TDRD12: variants seen among roughly 807,000 people sequenced by gnomAD.
TDRD12 encodes tudor domain containing 12, also known as putative ATP-dependent RNA helicase TDRD12.
In TDRD12, 158 loss-of-function variants were observed where a neutral mutation model predicts 133.5. That is an observed-to-expected ratio of 1.18 (90% CI 1.04 to 1.35). The LOEUF is 1.35. Among genes scored for constraint, TDRD12 ranks in the 40% most tolerant of loss-of-function variants. The pLI is 0.00. For missense variants in TDRD12, 1,443 were observed against 1,321.3 expected (o/e 1.09, Z -1.43); for synonymous variants, 460 against 477.9 (o/e 0.96, Z 0.49).
At chr19:32,806,584 C>T (rs1186929032) in intron 21 of TDRD12, among the ~76,000 whole-genome samples, 1 of 151,816 alleles carries the variant, frequency 6.6e-6, no homozygotes, top group Non-Finnish European at 1.5e-5. Context: ...TCAAGTGATC[C>T]GCCCTCCTCA....
intron 6 of TDRD12, among the ~76,000 whole-genome samples, chr19:32,750,190 C>T (rs1319755120): frequency 2.0e-5 from 3 of 152,076 alleles, no homozygotes; most frequent in East Asian, 1.9e-4. Context: ...CTGCCTTTCC[C>T]CCTAGACTTT....
downstream of TDRD12, among the ~76,000 whole-genome samples, chr19:32,825,868 G>A (rs771869879): frequency 2.6e-5 from 4 of 152,110 alleles, no homozygotes; most frequent in South Asian, 2.1e-4. This position sits in a 1 kb window ranked among gnomAD's most constrained non-coding sequence, Gnocchi z 4.1. Flanking sequence ...CAACAAGAAC[G>A]AAACTCCATC....
intron 1 of TDRD12, among the ~76,000 whole-genome samples, chr19:32,721,510 C>T (rs1025825239): frequency 1.3e-5 from 2 of 151,706 alleles, no homozygotes; most frequent in South Asian, 4.2e-4. Flanking sequence ...CTCAGCCTCC[C>T]GAGTAGCTGG....
chr19:32,824,978 G>A (rs890488756), downstream of TDRD12, among the ~76,000 whole-genome samples: 9 of 152,120 alleles, frequency 5.9e-5, no homozygotes, highest in African/African-American at 1.7e-4. Context: ...GTTCTTGTTC[G>A]CGTTCAGTGG....
exon 17 of TDRD12, chr19:32,800,332 G>T: frequency 2.0e-6 from 3 of 1,524,606 alleles, no homozygotes; most frequent in Non-Finnish European, 2.6e-6. Flanking sequence ...CATGGAAGAG[G>T]CTGCTCTCTA....
At chr19:32,799,977 G>C (rs966791628) in intron 16 of TDRD12, among the ~76,000 whole-genome samples, 190 bp from the exon 17 acceptor site, 1 of 151,352 alleles carries the variant, frequency 6.6e-6, no homozygotes, top group Non-Finnish European at 1.5e-5. Context: ...CTCATGATCC[G>C]CCTGCCTCAG....
At chr19:32,774,290 A>G (rs1970520208) in intron 10 of TDRD12, among the ~76,000 whole-genome samples, 2 of 152,192 alleles carry the variant, frequency 1.3e-5, no homozygotes, top group Admixed American at 6.5e-5. Context: ...ATTATATTCT[A>G]GAGAGAGTTA....
chr19:32,737,752 C>T (rs1008954223), intron 2 of TDRD12, among the ~76,000 whole-genome samples: 3 of 152,104 alleles, frequency 2.0e-5, no homozygotes, highest in Non-Finnish European at 4.4e-5. Flanking sequence ...GGGAATTTGG[C>T]AGTAAACAAA....
chr19:32,774,989 A>C (rs1257749083), intron 10 of TDRD12, among the ~76,000 whole-genome samples: 1 of 152,118 alleles, frequency 6.6e-6, no homozygotes, highest in Non-Finnish European at 1.5e-5. Context: ...CGTTTCAAAA[A>C]AAAAAAAATC....
chr19:32,758,555 C>T (rs1192318091), intron 8 of TDRD12, among the ~76,000 whole-genome samples: 2 of 152,150 alleles, frequency 1.3e-5, no homozygotes, highest in Non-Finnish European at 2.9e-5. Flanking sequence ...GGACCCACCC[C>T]ATCTCGCTAG....
At chr19:32,721,347 G>A (rs533909355) in intron 1 of TDRD12, among the ~76,000 whole-genome samples, 1 of 152,242 alleles carries the variant, frequency 6.6e-6, no homozygotes, top group African/African-American at 2.4e-5. Context: ...GGAGCTGGAC[G>A]TAGCAGATTG....
chr19:32,719,978 CG>C, exon 1 of TDRD12: 1 of 1,451,752 alleles, frequency 6.9e-7, no homozygotes, highest in Non-Finnish European at 9.3e-7. Flanking sequence ...GCACTCGCGG[CG>C]GGGGCCTGGC....
chr19:32,734,759 C>T (rs987127335), intron 2 of TDRD12, among the ~76,000 whole-genome samples: 2 of 152,204 alleles, frequency 1.3e-5, no homozygotes, highest in Non-Finnish European at 1.5e-5. Flanking sequence ...TTTATGGCAA[C>T]CCTTCATGGA....
intron 8 of TDRD12, among the ~76,000 whole-genome samples, chr19:32,760,433 G>A (rs1346098469): frequency 6.6e-6 from 1 of 152,062 alleles, no homozygotes; most frequent in Non-Finnish European, 1.5e-5. Flanking sequence ...ATATTTTTGA[G>A]AATCAAAGTA....
At chr19:32,793,542 C>T (rs1181396789) in intron 13 of TDRD12, among the ~76,000 whole-genome samples, 2 of 152,102 alleles carry the variant, frequency 1.3e-5, no homozygotes, top group Non-Finnish European at 2.9e-5. Flanking sequence ...CCGATGAGCT[C>T]GGCCATTTGG....
At chr19:32,826,101 C>CT, downstream of TDRD12, 8 of 1,535,668 alleles carry the variant, frequency 5.2e-6, no homozygotes, top group Non-Finnish European at 6.1e-6. Context: ...TGTGCAGAAA[C>CT]TTTATCTGGA....
chr19:32,824,634 C>T (rs1967524388), downstream of TDRD12: 1 of 152,298 alleles, frequency 6.6e-6, no homozygotes, highest in South Asian at 2.1e-4. Context: ...AGCCCTGGGT[C>T]GTAGCCCCGT....
chr19:32,824,760 C>G (rs1967530442), downstream of TDRD12, among the ~76,000 whole-genome samples: 1 of 151,992 alleles, frequency 6.6e-6, no homozygotes, highest in Non-Finnish European at 1.5e-5. Context: ...CCCTTTCTTC[C>G]TCCAGCTTGC....
intron 22 of TDRD12, 147 bp downstream of exon 22, chr19:32,807,795 G>A (rs971700144): frequency 8.5e-6 from 4 of 470,300 alleles, no homozygotes; most frequent in African/African-American, 6.0e-5. Context: ...CCAGAGGCAC[G>A]TGTCCTTACA....
Sources: gnomAD v4.1 joint callset for allele counts (sites outside exome capture counted in the v4.1 genomes callset) on GRCh38, gnomAD v4.1.1 for gene constraint, Gnocchi (gnomAD v3.1) non-coding constraint, MANE v1.5 for transcripts, NCBI Gene and HGNC (gene_info 2026-07-23, HGNC 2026-07-21) for gene names.